ASPM: variants seen among roughly 807,000 people sequenced by gnomAD.
ASPM encodes the protein assembly factor for spindle microtubules.
Under a neutral mutation model 366.4 loss-of-function variants are expected in ASPM, and 256 were observed. That is an observed-to-expected ratio of 0.70 (90% CI 0.63 to 0.77). The LOEUF (loss-of-function observed/expected upper bound fraction) is 0.77. Among genes scored for constraint, ASPM ranks in the 30% least tolerant of loss-of-function variants. The pLI is 0.00. For synonymous variants in ASPM, 1,414 were observed against 1,342.9 expected (o/e 1.05, Z -1.16); for missense variants, 4,146 against 4,090.4 (o/e 1.01, Z -0.37).
At chr1:197,143,856 A>C in intron 2 of ASPM, 46 bp from the exon 3 acceptor site, 1 of 1,575,382 alleles carries the variant, frequency 6.3e-7, no homozygotes, top group Non-Finnish European at 8.7e-7. Flanking sequence ...TAGCTATTGA[A>C]TATTAAATAA....
In ASPM at chr1:197,097,149, A is replaced by C. The variant is rs140342524; in HGVS notation, c.8821-985T>G. ...TTTCTCTCTGTGGCTAGTGAGCCTT[A>C]TCTCTCCCTTTCCCAGGCATTGTGA... On this transcript the variant is annotated intron_variant, in intron 18 of 27. Transcript: ENST00000367409. Among the ~76,000 whole-genome samples, 10 of 151,936 alleles carry C rather than the reference A, an allele frequency of 6.6e-5. No homozygotes were observed. The East Asian group carries it at 1.9e-3, about 30-fold the overall frequency.
intron 5 of ASPM, among the ~76,000 whole-genome samples, chr1:197,133,863 G>T (rs1246211347): frequency 6.6e-6 from 1 of 151,768 alleles, no homozygotes; most frequent in Non-Finnish European, 1.5e-5. Flanking sequence ...CTTCCTCACT[G>T]GTTTATCTGT....
At chr1:197,097,190 C>A (rs1023169117) in intron 18 of ASPM, among the ~76,000 whole-genome samples, 2 of 151,704 alleles carry the variant, frequency 1.3e-5, no homozygotes, top group African/African-American at 4.8e-5. Flanking sequence ...GTTTCTCTAG[C>A]TGTGCAGCTG....
intron 17 of ASPM, among the ~76,000 whole-genome samples, chr1:197,107,528 T>C (rs1445482387): frequency 6.6e-6 from 1 of 152,120 alleles, no homozygotes; most frequent in Non-Finnish European, 1.5e-5. Context: ...TTAAAAATTA[T>C]TTGACATACA....
rs147160053 is a variant in ASPM, at chr1:197,101,631, T to C, written c.7620A>G (p.Ala2540=). 2,510 of 1,611,792 alleles carry C rather than the reference T, an allele frequency of 1.6e-3. 4 individuals carry two copies. Among genetic ancestry groups the C allele is most frequent in the Non-Finnish European group, 1.9e-3 (2,229 of 1,179,082 alleles). The change falls in exon 18 of 28, where the codon GCA becomes GCG. Residue 2540 remains alanine (A), a synonymous_variant. Coordinates refer to ENST00000367409, the MANE Select transcript of ASPM (RefSeq NM_018136.5). Reference sequence around the variant, plus strand: ...GTTGTCTTGCTTTCATTCCTTTATATGCAGCCTGAATAACCACAGCAGAAT... The same window carrying C: ...GTTGTCTTGCTTTCATTCCTTTATACGCAGCCTGAATAACCACAGCAGAAT... ...QWHSAVVIQA[A]YKGMKARQLL...
rs775282788 is a variant in ASPM at position 197,105,166 on chromosome 1, G to T, written c.4085C>A (p.Ser1362Tyr). Residue 1362 changes from serine to tyrosine, a missense_variant, in exon 18 of 28, where the codon TCC becomes TAC. Ser to Tyr is a moderately radical substitution (Grantham distance 144). Transcript: ENST00000367409. ...SLIQGYWRRY[S>Y]TRQRFLKLKY... The stretch of plus-strand genomic sequence containing the variant: ...CAATTTCAGAAATCTTTGTCTAGTG[G>T]AATATCTTCTCCAATATCCCTGGAA... 2.5e-6 allele frequency: 4 copies of T among 1,606,040 alleles called. No individual in the cohort carries two copies. Among genetic ancestry groups the T allele is most frequent in the Non-Finnish European group, 3.4e-6 (4 of 1,173,868 alleles).
At position 197,143,737 on chromosome 1, in the gene ASPM, A is replaced by G; in HGVS notation, c.515T>C (p.Ile172Thr). ...STSHNRRVSN[I>T]QNVNKTFSVS... ...ACTAAATGTTTTATTAACATTCTGA[A>G]TATTTGAAACCCTTCTGTTGTGACT... Residue 172 changes from isoleucine (I) to threonine (T), a missense_variant, in exon 3 of 28, where the codon ATT (isoleucine) becomes ACT (threonine). Transcript: ENST00000367409. 6.2e-7 allele frequency: 1 copy of G among 1,613,598 alleles called. No individual in the cohort carries two copies. The highest frequency in any genetic ancestry group is 2.2e-5 in the East Asian group (1 of 44,860).
At position 197,124,337 on chromosome 1, in the gene ASPM, A is replaced by G. The variant is rs1658015608; in HGVS notation, c.3169-6T>C. Reference sequence around the variant, plus strand: ...AAGTTAAGGGAAATATCCACCTAAAACAAACACAAAAAAAGATAAATACCT... The same window carrying G: ...AAGTTAAGGGAAATATCCACCTAAAGCAAACACAAAAAAAGATAAATACCT... On this transcript the variant is annotated splice_polypyrimidine_tract_variant and splice_region_variant and intron_variant, in intron 12 of 27. Transcript: ENST00000367409. 6.5e-7 allele frequency: 1 copy of G among 1,531,662 alleles called. No individual in the cohort carries two copies. The highest frequency in any genetic ancestry group is 9.0e-7 in the Non-Finnish European group (1 of 1,110,102). The allele number at this position is 1,531,662 out of a possible 1,614,324, so 94.9% of individuals were successfully genotyped here.
At chr1:197,116,227 T>G (rs2125101779) in intron 17 of ASPM, among the ~76,000 whole-genome samples, 1 of 152,288 alleles carries the variant, frequency 6.6e-6, no homozygotes, top group South Asian at 2.1e-4. Flanking sequence ...TTTTGCAGCT[T>G]CCTTACTTCT....
Position 197,136,241 on chromosome 1 carries a change from A to G in ASPM, c.2027-999T>C, listed in dbSNP as rs558356043. The stretch of plus-strand genomic sequence containing the variant: ...CTAAATTTGCCATACAAGAAGCATT[A>G]AAGTCCTTCAGGTTGAAATAAATGA... On this transcript the variant is annotated intron_variant, in intron 4 of 27. Coordinates refer to ENST00000367409, the MANE Select transcript of ASPM (RefSeq NM_018136.5). Among the ~76,000 whole-genome samples, 6 of 152,352 alleles carry G rather than the reference A, an allele frequency of 3.9e-5. No individual in the cohort carries two copies. In the East Asian group the frequency reaches 1.2e-3, roughly 29 times the overall value.
chr1:197,101,639 G>C lies in ASPM; in HGVS notation c.7612C>G (p.Gln2538Glu). 1 of 1,611,798 alleles carries C rather than the reference G, an allele frequency of 6.2e-7. No homozygotes were observed. The highest frequency in any genetic ancestry group is 8.5e-7 in the Non-Finnish European group (1 of 1,179,080). Residue 2538 changes from glutamine (Q) to glutamate (E), a missense_variant, in exon 18 of 28, where the codon CAG (glutamine) becomes GAG (glutamate). Around this residue, in one of 3 missense-constraint regions of ASPM, gnomAD observed 3,624 missense variants for 3,591.7 expected, o/e 1.01. Coordinates refer to ENST00000367409, the MANE Select transcript of ASPM (RefSeq NM_018136.5). ...IRQWHSAVVI[Q>E]AAYKGMKARQ... ...GCTTTCATTCCTTTATATGCAGCCT[G>C]AATAACCACAGCAGAATGCCATTGT...
chr1:197,143,690 C>T lies in ASPM; in HGVS notation c.562G>A (p.Val188Ile). The change falls in exon 3 of 28, where the codon GTT (valine) becomes ATT (isoleucine). Residue 188 changes from valine to isoleucine, a missense_variant. This residue lies in a region of ASPM where 512 missense variants were observed against 471.7 expected (regional missense o/e 1.09). Coordinates refer to ENST00000367409, the MANE Select transcript of ASPM (RefSeq NM_018136.5). The part of the protein sequence containing the change: ...TFSVSQKVDR[V>I]RSPLQACENL... ...TCACAAGCTTGTAGTGGGCTCCTAA[C>T]TCTGTCAACTTTTTGGGAAACACTA... 2 of 1,613,938 alleles carry T rather than the reference C, an allele frequency of 1.2e-6. No homozygotes were observed. Among genetic ancestry groups the T allele is most frequent in the Non-Finnish European group, 1.7e-6 (2 of 1,179,874 alleles).
At chr1:197,130,179 T>C in intron 7 of ASPM, 123 bp from the exon 8 acceptor site, 5 of 1,021,796 alleles carry the variant, frequency 4.9e-6, no homozygotes, top group Admixed American at 4.0e-5. Context: ...AATGACATGG[T>C]TATTTGCTAA....
At chr1:197,139,664 G>A in intron 4 of ASPM, 103 bp downstream of exon 4, 1 of 918,482 alleles carries the variant, frequency 1.1e-6, no homozygotes, top group Admixed American at 1.7e-5. Context: ...ATTCTTCCAG[G>A]CTGTTATTCA....
rs1658325496 is a variant in ASPM at position 197,133,480 on chromosome 1, G to A, written c.2289C>T (p.Asn763=). Reference sequence around the variant, plus strand: ...AACGGCATGCTGCACGACGTAGTCTGTTTAACCTACACCGAGCAGTATAAG... The same window carrying A: ...AACGGCATGCTGCACGACGTAGTCTATTTAACCTACACCGAGCAGTATAAG... ...LRAYTARCRL[N]RLRRAACRLF... Residue 763 remains asparagine (N), a synonymous_variant, in exon 6 of 28, where the codon AAC becomes AAT. Transcript: ENST00000367409. The A allele has an allele frequency of 6.2e-7, 1 of 1,614,048 alleles. No homozygotes were observed. The highest frequency in any genetic ancestry group is 8.5e-7 in the Non-Finnish European group (1 of 1,179,988).
chr1:197,104,423 C>T lies in ASPM; in HGVS notation c.4828G>A (p.Val1610Ile), dbSNP rs773124930. 1 of 1,612,972 alleles carries T rather than the reference C, an allele frequency of 6.2e-7. No individual in the cohort carries two copies. Among genetic ancestry groups the T allele is most frequent in the Non-Finnish European group, 8.5e-7 (1 of 1,179,388 alleles). Residue 1610 changes from valine to isoleucine, a missense_variant, in exon 18 of 28, where the codon GTT becomes ATT. Physicochemically the swap from Val to Ile is conservative, Grantham distance 29. Transcript: ENST00000367409. ...GCTCGGAAATGAGTCTGAATTATAA[C>T]AGCTGCTTTCTTCATCTTCTTATAT... ...QKYKKMKKAA[V>I]IIQTHFRAYI... is the part of the protein sequence containing the mutation.
rs1402250045 is a variant in ASPM at position 197,101,984 on chromosome 1, C to A, written c.7267G>T (p.Val2423Leu). 6.2e-7 allele frequency: 1 copy of A among 1,612,674 alleles called. No individual in the cohort carries two copies. Among genetic ancestry groups the A allele is most frequent in the Non-Finnish European group, 8.5e-7 (1 of 1,179,280 alleles). Residue 2423 changes from valine (V) to leucine (L), a missense_variant, in exon 18 of 28, where the codon GTG becomes TTG. Transcript: ENST00000367409. ...TTGAGGGAAATGAATCTTCTCCTCA[C>A]CAGTAATGATCTAAACCTACTCTGA... The part of the protein sequence containing the change: ...LIQSRFRSLL[V>L]RRRFISLKKA...
Position 197,095,353 on chromosome 1 carries a change from C to T in ASPM, c.8987+645G>A, listed in dbSNP as rs1233087065. 2.0e-5 allele frequency among the ~76,000 whole-genome samples: 3 copies of T among 151,674 alleles called. No individual in the cohort carries two copies. The Admixed American group carries it at 2.0e-4, about 10-fold the overall frequency. On this transcript the variant is annotated intron_variant, in intron 19 of 27. Coordinates refer to ENST00000367409, the MANE Select transcript of ASPM (RefSeq NM_018136.5). ...ACCCATGGGCTTCATCCAAAAATTC[C>T]TCTCACACTAGTGTGCCTTCCTAAA...
rs770448850 is a variant in ASPM at position 197,101,400 on chromosome 1, T to C, written c.7851A>G (p.Ile2617Met). ...CVQAGFQDMN[I>M]KKQIQEQHQA... ...GGTGCTGTTCCTGAATCTGTTTTTT[T>C]ATGTTCATGTCCTGAAAACCTGCCT... Residue 2617 changes from isoleucine to methionine, a missense_variant, in exon 18 of 28, where the codon ATA becomes ATG. Ile to Met is a conservative substitution (Grantham distance 10, BLOSUM62 1). Around this residue, in one of 3 missense-constraint regions of ASPM, gnomAD observed 3,624 missense variants for 3,591.7 expected, o/e 1.01. Transcript: ENST00000367409. 6.2e-7 allele frequency: 1 copy of C among 1,608,480 alleles called. No homozygotes were observed. The highest frequency in any genetic ancestry group is 8.5e-7 in the Non-Finnish European group (1 of 1,178,878).
Sources: allele counts gnomAD v4.1 joint callset (sites outside exome capture counted in the v4.1 genomes callset), GRCh38; gene constraint gnomAD v4.1.1; regional missense constraint gnomAD v4.1.1; transcripts MANE v1.5; gene names NCBI Gene and HGNC (gene_info 2026-07-23, HGNC 2026-07-21).